Variants in SYT9 observed in about 807,000 individuals in gnomAD.
The protein encoded by SYT9 is synaptotagmin 9, also known as synaptotagmin-9.
Under a neutral mutation model 48.4 loss-of-function variants are expected in SYT9, and 22 were observed. That is an observed-to-expected ratio of 0.45 (90% confidence interval 0.32 to 0.65). The LOEUF (loss-of-function observed/expected upper bound fraction) is 0.65. SYT9 is among the 30% of genes least tolerant of loss of function. The pLI is 0.03. For synonymous variants in SYT9, 265 were observed against 245.0 expected, an observed-to-expected ratio of 1.08 and a Z score of -0.76; for missense variants, 577 against 622.0, an observed-to-expected ratio of 0.93 and a Z score of 0.77.
At chr11:7,413,456 C>G (rs183079233) in intron 3 of SYT9, among the ~76,000 whole-genome samples, 32 of 152,262 alleles carry the variant, frequency 2.1e-4, no homozygotes, top group Non-Finnish European at 4.1e-4. Flanking sequence ...CTGTGTTAGT[C>G]TCTAGGCCTG....
chr11:7,435,434 C>T (rs982452970), intron 6 of SYT9: 2 of 152,386 alleles, frequency 1.3e-5, no homozygotes, highest in South Asian at 2.1e-4. Flanking sequence ...GATGTAGCTT[C>T]CTTCACTGTC....
intron 3 of SYT9, among the ~76,000 whole-genome samples, chr11:7,323,348 T>A (rs568056773): frequency 1.3e-5 from 2 of 152,150 alleles, no homozygotes; most frequent in Admixed American, 6.6e-5. Flanking sequence ...TTCTAATAAT[T>A]TGACCACAGA....
In SYT9 at chr11:7,416,147, A is replaced by G. The variant is rs777683572; in HGVS notation, c.1150A>G (p.Ile384Val). ...AGCAAGGAATTTAAAGGCAATGGAC[A>G]TAACAGGAGCATCAGGTGGGGCATT... ...IKARNLKAMD[I>V]TGASDPYVKV... The change falls in exon 4 of 7, where the codon ATA becomes GTA. Residue 384 changes from isoleucine to valine, a missense_variant. Physicochemically the swap from Ile to Val is conservative, Grantham distance 29. Coordinates refer to ENST00000318881, the MANE Select transcript of SYT9 (RefSeq NM_175733.4). 6 of 1,614,198 alleles carry G rather than the reference A, an allele frequency of 3.7e-6. No individual in the cohort carries two copies. In the South Asian group the frequency reaches 5.5e-5, roughly 15 times the overall value.
At chr11:7,273,484 G>A (rs148880935) in intron 1 of SYT9, among the ~76,000 whole-genome samples, 417 of 152,292 alleles carry the variant, frequency 2.7e-3, no homozygotes, top group African/African-American at 9.3e-3. Flanking sequence ...GTGCGAGAGA[G>A]AACCCAGTAT....
At chr11:7,431,700 A>G (rs570118609) in intron 6 of SYT9, among the ~76,000 whole-genome samples, 62 of 152,314 alleles carry the variant, frequency 4.1e-4, no homozygotes, top group Non-Finnish European at 7.5e-4. Context: ...TGCTCCCCAC[A>G]TCCCTACTGC....
chr11:7,313,399 A>C lies in SYT9; in HGVS notation c.502A>C (p.Asn168His). ...CTGTGTTGCTCTTCATTCAAGGCAT[A>C]ATTCAATCCGAAGACAACTCAACTT... is the stretch of plus-strand genomic sequence containing the variant. Reference protein sequence around the residue: ...VTEPTSSARHNSIRRQLNLSN... With the variant: ...VTEPTSSARHHSIRRQLNLSN... Residue 168 changes from asparagine to histidine, a missense_variant, in exon 3 of 7, where the codon AAT becomes CAT. By Grantham distance (68) the Asn-to-His change is moderately conservative. Coordinates refer to ENST00000318881, the MANE Select transcript of SYT9 (RefSeq NM_175733.4). 1 of 1,608,302 alleles carries C rather than the reference A, an allele frequency of 6.2e-7. No individual in the cohort carries two copies. The highest frequency in any genetic ancestry group is 8.5e-7 in the Non-Finnish European group (1 of 1,177,768).
chr11:7,408,252 C>T (rs1847061257), intron 3 of SYT9, among the ~76,000 whole-genome samples: 1 of 152,158 alleles, frequency 6.6e-6, no homozygotes, highest in Admixed American at 6.5e-5. Flanking sequence ...CCTCAGCCTC[C>T]TGAGTAGCTG....
In SYT9 at chr11:7,418,126, C is replaced by T. The variant is rs781298633; in HGVS notation, c.1335C>T (p.Asp445=). ...TGTCCATAGCAGTCATGGACTATGA[C>T]CGGTGAGATACCTGGAACTCTTTTC... The part of the protein sequence containing the change: ...IHLSIAVMDY[D]RVGHNEIIGV... Residue 445 remains aspartate, a splice_region_variant and synonymous_variant, in exon 5 of 7, where the codon GAC becomes GAT. Transcript: ENST00000318881. 6.2e-7 allele frequency: 1 copy of T among 1,612,760 alleles called. No homozygotes were observed. Among genetic ancestry groups the T allele is most frequent in the Non-Finnish European group, 8.5e-7 (1 of 1,179,560 alleles).
chr11:7,254,714 T>A (rs1847935284), intron 1 of SYT9, among the ~76,000 whole-genome samples: 1 of 152,204 alleles, frequency 6.6e-6, no homozygotes, highest in Non-Finnish European at 1.5e-5. Context: ...CAGCTTTCTC[T>A]GTTATTGTCC....
At chr11:7,350,038 G>C (rs748234551) in intron 3 of SYT9, among the ~76,000 whole-genome samples, 1 of 152,128 alleles carries the variant, frequency 6.6e-6, no homozygotes, top group Non-Finnish European at 1.5e-5. Flanking sequence ...GCCAGGGGGG[G>C]ACCCACCGAG....
At chr11:7,429,063 A>T (rs1350620822) in intron 6 of SYT9, among the ~76,000 whole-genome samples, 1 of 152,186 alleles carries the variant, frequency 6.6e-6, no homozygotes, top group African/African-American at 2.4e-5. Flanking sequence ...GAACCTCACA[A>T]AAGATCCTGC....
At chr11:7,323,560 AT>A (rs1456268816) in intron 3 of SYT9, among the ~76,000 whole-genome samples, 1 of 152,028 alleles carries the variant, frequency 6.6e-6, no homozygotes, top group Non-Finnish European at 1.5e-5. Flanking sequence ...TGCTTTGATT[AT>A]TCATCACTAA....
intron 3 of SYT9, among the ~76,000 whole-genome samples, chr11:7,401,496 A>C (rs1312351578): frequency 6.6e-6 from 1 of 151,432 alleles, no homozygotes; most frequent in African/African-American, 2.4e-5. Context: ...TAGAACTGAT[A>C]TTTTTTCCTT....
At chr11:7,409,872 T>G (rs906313799) in intron 3 of SYT9, among the ~76,000 whole-genome samples, 3 of 152,144 alleles carry the variant, frequency 2.0e-5, no homozygotes, top group African/African-American at 7.2e-5. Context: ...TCTTTATTAT[T>G]TCTTTTCTTC....
At chr11:7,278,652 C>G (rs915972756) in intron 1 of SYT9, among the ~76,000 whole-genome samples, 4 of 152,024 alleles carry the variant, frequency 2.6e-5, no homozygotes, top group African/African-American at 9.7e-5. Flanking sequence ...TTGTTGTGTT[C>G]TATAATACGG....
intron 6 of SYT9, among the ~76,000 whole-genome samples, chr11:7,424,810 G>A (rs1449342068): frequency 2.0e-5 from 3 of 152,160 alleles, no homozygotes; most frequent in Non-Finnish European, 2.9e-5. Flanking sequence ...GTGCATACAC[G>A]TACATACAGC....
At position 7,252,267 on chromosome 11, in the gene SYT9, C is replaced by T. The variant is rs1847885077; in HGVS notation, c.81C>T (p.His27=). 9 of 1,510,190 alleles carry T rather than the reference C, an allele frequency of 6.0e-6. No individual in the cohort carries two copies. The highest frequency in any genetic ancestry group is 8.0e-6 in the Non-Finnish European group (9 of 1,129,048). The allele number at this position is 1,510,190 out of a possible 1,614,324, so 93.5% of individuals were successfully genotyped here. A position where few individuals can be genotyped will look rare whatever the true frequency, so the allele number is the denominator to read the frequency against. Residue 27 remains histidine (H), a synonymous_variant, in exon 1 of 7, where the codon CAC becomes CAT. Transcript: ENST00000318881. The surrounding 1 kb of genome is among the most constrained non-coding windows in gnomAD (Gnocchi z 6.3). The part of the protein sequence containing the change: ...AELCARGALE[H]DSCQDFIYHL... ...TCTGTGCCCGTGGGGCCCTGGAGCA[C>T]GACAGCTGCCAGGATTTCATTTACC...
chr11:7,441,635 C>T (rs1281890686), intron 6 of SYT9: 1 of 152,156 alleles, frequency 6.6e-6, no homozygotes, highest in East Asian at 1.9e-4. Context: ...TGTTCATCTT[C>T]AGGTTGGTCG....
chr11:7,443,948 A>G (rs1474096543), intron 6 of SYT9, among the ~76,000 whole-genome samples: 1 of 152,248 alleles, frequency 6.6e-6, no homozygotes, highest in Non-Finnish European at 1.5e-5. Flanking sequence ...ATTCCAGTTT[A>G]CTATAGAAGT....
Sources: gnomAD v4.1 joint callset for allele counts (sites outside exome capture counted in the v4.1 genomes callset) on GRCh38, gnomAD v4.1.1 for gene constraint, Gnocchi (gnomAD v3.1) non-coding constraint, MANE v1.5 for transcripts, NCBI Gene and HGNC (gene_info 2026-07-23, HGNC 2026-07-21) for gene names.